Variants in NAALADL2 observed in about 807,000 individuals in gnomAD.
NAALADL2 encodes the protein inactive N-acetylated-alpha-linked acidic dipeptidase-like protein 2.
Under a neutral mutation model 87.2 loss-of-function variants are expected in NAALADL2, and 76 were observed. The ratio of observed to expected loss-of-function variants is 0.87; its 90% CI spans 0.72 to 1.05. NAALADL2 has a LOEUF of 1.05. Ranked by LOEUF, NAALADL2 falls within the 50% of genes least tolerant of loss-of-function variation. NAALADL2 has a pLI of 0.00. For missense variants in NAALADL2, 1,089 were observed against 945.8 expected (o/e 1.15, Z -1.99); for synonymous variants, 354 against 331.0 (o/e 1.07, Z -0.75).
rs1162459224 is a variant in NAALADL2, at chr3:174,469,568, A to G, written c.-184+28536A>G. On this transcript the variant is annotated intron_variant, in intron 1 of 3. Transcript: ENST00000434257. ...CTCAGCCTCCCGAGTAGCTGGGACT[A>G]CAGGTACCCGCCACCAAGTCCAGTT... Among the ~76,000 whole-genome samples the G allele has an allele frequency of 2.6e-5, 4 of 151,916 alleles. No homozygotes were observed. In the East Asian group the frequency reaches 5.8e-4, roughly 22 times the overall value.
chr3:175,460,164 C>T, intron 6 of NAALADL2: 1 of 456,372 alleles, frequency 2.2e-6, no homozygotes, highest in Non-Finnish European at 4.4e-6. Context: ...TTAGCAATGC[C>T]AACAGCAGCA....
At chr3:175,528,016 G>A (rs993016591) in intron 9 of NAALADL2, among the ~76,000 whole-genome samples, 1 of 152,056 alleles carries the variant, frequency 6.6e-6, no homozygotes, top group African/African-American at 2.4e-5. Flanking sequence ...ACAGGGTTTA[G>A]TGTGTAGTTT....
At chr3:175,280,448 A>G (rs1049809030) in intron 4 of NAALADL2, among the ~76,000 whole-genome samples, 2 of 152,088 alleles carry the variant, frequency 1.3e-5, no homozygotes, top group African/African-American at 4.8e-5. Context: ...TAACCTCCTC[A>G]ACTACATTAT....
chr3:175,070,087 C>T (rs1193261546), intron 1 of NAALADL2, among the ~76,000 whole-genome samples: 2 of 150,114 alleles, frequency 1.3e-5, no homozygotes, highest in Non-Finnish European at 3.0e-5. Flanking sequence ...GGGTGCAGCA[C>T]ACCAGCATGG....
At chr3:175,413,846 A>C (rs1244662908) in intron 5 of NAALADL2, among the ~76,000 whole-genome samples, 1 of 152,150 alleles carries the variant, frequency 6.6e-6, no homozygotes, top group Non-Finnish European at 1.5e-5. Flanking sequence ...AATAAAAATA[A>C]AAAATAAGGT....
intron 5 of NAALADL2, among the ~76,000 whole-genome samples, chr3:175,386,384 C>T (rs1004000984): frequency 6.6e-6 from 1 of 151,928 alleles, no homozygotes; most frequent in African/African-American, 2.4e-5. Context: ...ACCTCTGTGT[C>T]CTCTATAAAA....
intron 13 of NAALADL2, among the ~76,000 whole-genome samples, chr3:175,760,571 C>T (rs1299166073): frequency 2.0e-5 from 3 of 152,172 alleles, no homozygotes; most frequent in Admixed American, 2.0e-4. Flanking sequence ...AATATCAGTA[C>T]TATCAAATCC....
intron 2 of NAALADL2, among the ~76,000 whole-genome samples, chr3:175,180,196 A>G (rs1412415840): frequency 6.6e-6 from 1 of 151,992 alleles, no homozygotes; most frequent in Non-Finnish European, 1.5e-5. Flanking sequence ...TTATGTTCTG[A>G]GTACGTATTT....
chr3:174,900,711 A>G (rs914750672), intron 1 of NAALADL2, among the ~76,000 whole-genome samples: 42 of 152,150 alleles, frequency 2.8e-4, no homozygotes, highest in African/African-American at 8.2e-4. Context: ...CATAAAAATA[A>G]CTAAATTTTA....
At chr3:175,564,802 C>A (rs769310440) in intron 9 of NAALADL2, among the ~76,000 whole-genome samples, 12 of 152,098 alleles carry the variant, frequency 7.9e-5, no homozygotes, top group Non-Finnish European at 1.6e-4. Context: ...ATGGGACAGT[C>A]GTATCTTTTC....
chr3:175,494,258 G>T (rs796735584), intron 9 of NAALADL2, among the ~76,000 whole-genome samples: 4 of 151,976 alleles, frequency 2.6e-5, no homozygotes, highest in African/African-American at 9.6e-5. Flanking sequence ...AATTTGTGAT[G>T]TCTACATATT....
rs35858212 is a variant in NAALADL2 at position 175,178,416 on chromosome 3, G to A, written c.546-55515G>A. Among the ~76,000 whole-genome samples, 1,218 of 152,100 alleles carry A rather than the reference G, an allele frequency of 8.0e-3. 5 individuals carry two copies. Among genetic ancestry groups the A allele is most frequent in the South Asian group, 0.031 (150 of 4,822 alleles). ...TGAGTAAACTAGTCTGGTCAATTGT[G>A]TATTTATGTGTAGCAAAATTGAGAC... is the stretch of plus-strand genomic sequence containing the variant. On this transcript the variant is annotated intron_variant, in intron 2 of 13. Coordinates refer to ENST00000454872, the MANE Select transcript of NAALADL2 (RefSeq NM_207015.3).
At chr3:175,351,893 G>T (rs1763815445) in intron 5 of NAALADL2, among the ~76,000 whole-genome samples, 1 of 152,168 alleles carries the variant, frequency 6.6e-6, no homozygotes, top group Non-Finnish European at 1.5e-5. Context: ...TTACATCATA[G>T]AAATAAAGGA....
At chr3:175,579,016 A>AT (rs1719339084) in intron 10 of NAALADL2, among the ~76,000 whole-genome samples, 1 of 152,198 alleles carries the variant, frequency 6.6e-6, no homozygotes, top group African/African-American at 2.4e-5. Flanking sequence ...CCCTGTAGGG[A>AT]CTGAGCTCAT....
chr3:174,666,855 C>G (rs1037551741), intron 2 of NAALADL2, among the ~76,000 whole-genome samples: 1 of 152,058 alleles, frequency 6.6e-6, no homozygotes, highest in Non-Finnish European at 1.5e-5. Context: ...ACCTCCAGCC[C>G]CTGCAAACCA....
At chr3:175,662,329 T>C (rs547100879) in intron 11 of NAALADL2, among the ~76,000 whole-genome samples, 2 of 152,140 alleles carry the variant, frequency 1.3e-5, no homozygotes, top group South Asian at 4.1e-4. Context: ...TACTGATTTT[T>C]GTATGTTGAT....
intron 11 of NAALADL2, among the ~76,000 whole-genome samples, chr3:175,704,842 T>C (rs369390608): frequency 1.6e-4 from 25 of 152,322 alleles, no homozygotes; most frequent in African/African-American, 6.0e-4. Context: ...GTCTTTGAAG[T>C]CCAGGGTCTG....
chr3:174,543,869 G>A (rs1156920292), intron 1 of NAALADL2, among the ~76,000 whole-genome samples: 3 of 151,906 alleles, frequency 2.0e-5, no homozygotes, highest in African/African-American at 4.8e-5. Flanking sequence ...TGTGCCGAGC[G>A]TGGTGGCGTG....
chr3:175,365,782 T>G lies in NAALADL2; in HGVS notation c.1090+41457T>G, dbSNP rs182708112. Among the ~76,000 whole-genome samples the G allele has an allele frequency of 2.0e-3, 298 of 147,856 alleles. 19 individuals are homozygous for G. The highest frequency in any genetic ancestry group is 6.4e-3 in the African/African-American group (260 of 40,778). ...TTTGATGTATTTTCAATGGAATTTA[T>G]AATTTTGCAAAATATTGTCTGATAA... On this transcript the variant is annotated intron_variant, in intron 5 of 13. Coordinates refer to ENST00000454872, the MANE Select transcript of NAALADL2 (RefSeq NM_207015.3).
Sources: allele counts gnomAD v4.1 joint callset (sites outside exome capture counted in the v4.1 genomes callset), GRCh38; gene constraint gnomAD v4.1.1; transcripts MANE v1.5; gene names NCBI Gene and HGNC (gene_info 2026-07-23, HGNC 2026-07-21).